Variants in THSD4 observed in about 807,000 individuals in gnomAD.
THSD4 encodes the protein thrombospondin type 1 domain containing 4.
THSD4 carries 69 observed loss-of-function variants against 119.0 expected under a neutral mutation model. The ratio of observed to expected loss-of-function variants is 0.58; its 90% CI spans 0.48 to 0.71. THSD4 has a LOEUF of 0.71. Among genes scored for constraint, THSD4 ranks in the 30% least tolerant of loss-of-function variants. The probability of loss-of-function intolerance (pLI) is 0.00; values close to 1 mark genes in which losing one functional copy is unlikely to be tolerated. For missense variants in THSD4, 1,393 were observed against 1,391.1 expected (o/e 1.00, Z -0.02); for synonymous variants, 524 against 540.4 (o/e 0.97, Z 0.42).
intron 6 of THSD4, among the ~76,000 whole-genome samples, chr15:71,371,372 A>C (rs960051309): frequency 3.3e-5 from 5 of 152,274 alleles, no homozygotes; most frequent in African/African-American, 7.2e-5. Context: ...TCTTCCTAGC[A>C]TCGATGGTCT....
chr15:71,766,734 A>G (rs1013758055), intron 16 of THSD4: 11 of 152,190 alleles, frequency 7.2e-5, no homozygotes, highest in African/African-American at 2.7e-4. Flanking sequence ...GGCCAAGTTG[A>G]AGGAGACAAA....
chr15:71,579,469 G>A (rs749511968), intron 7 of THSD4, among the ~76,000 whole-genome samples: 10 of 152,226 alleles, frequency 6.6e-5, no homozygotes, highest in South Asian at 2.1e-4. Context: ...AAGAGGGAGA[G>A]CATAGGTGTG....
At chr15:71,400,553 C>T (rs576471575) in intron 6 of THSD4, among the ~76,000 whole-genome samples, 1 of 152,278 alleles carries the variant, frequency 6.6e-6, no homozygotes, top group East Asian at 1.9e-4. Context: ...ATAATGCAGT[C>T]AGTGGAGGAA....
chr15:71,464,482 G>C (rs1368514495), intron 7 of THSD4, among the ~76,000 whole-genome samples: 1 of 152,276 alleles, frequency 6.6e-6, no homozygotes, highest in Admixed American at 6.5e-5. Flanking sequence ...TCACCATCAA[G>C]GGTCACAGTT....
chr15:71,719,620 C>CATAAA (rs1377049163), intron 8 of THSD4, among the ~76,000 whole-genome samples: 16 of 152,288 alleles, frequency 1.1e-4, no homozygotes, highest in Non-Finnish European at 1.8e-4. Flanking sequence ...GTTTTAAACT[C>CATAAA]ATAAAATAAA....
At chr15:71,298,794 G>C (rs537931727) in intron 6 of THSD4, among the ~76,000 whole-genome samples, 1 of 152,200 alleles carries the variant, frequency 6.6e-6, no homozygotes, top group Admixed American at 6.5e-5. Context: ...TTGTATTTTA[G>C]TAGAGACGGG....
intron 14 of THSD4, among the ~76,000 whole-genome samples, chr15:71,753,491 G>A (rs1332087954): frequency 6.6e-6 from 1 of 152,246 alleles, no homozygotes; most frequent in African/African-American, 2.4e-5. Flanking sequence ...TTAGGGGCCA[G>A]TTGGGCCAAG....
intron 7 of THSD4, among the ~76,000 whole-genome samples, chr15:71,516,374 A>G (rs1259609664): frequency 1.3e-5 from 2 of 152,144 alleles, no homozygotes; most frequent in African/African-American, 4.8e-5. Context: ...CACCTCTGCA[A>G]CAACCTCACG....
At chr15:71,629,399 A>G (rs771664807) in intron 7 of THSD4, among the ~76,000 whole-genome samples, 8 of 152,170 alleles carry the variant, frequency 5.3e-5, no homozygotes, top group Admixed American at 4.6e-4. Flanking sequence ...GAGACCTGGC[A>G]GTGTGGACCC....
At chr15:71,657,043 A>G (rs764175222) in intron 7 of THSD4, among the ~76,000 whole-genome samples, 1 of 152,156 alleles carries the variant, frequency 6.6e-6, no homozygotes, top group Non-Finnish European at 1.5e-5. Context: ...TCCAGACTTT[A>G]TGTACCCAAT....
chr15:71,196,342 G>A (rs975160454), intron 3 of THSD4, among the ~76,000 whole-genome samples: 3 of 152,242 alleles, frequency 2.0e-5, no homozygotes, highest in South Asian at 2.1e-4. Flanking sequence ...CAGAACCAGC[G>A]TTTGAACTCA....
intron 14 of THSD4, among the ~76,000 whole-genome samples, chr15:71,752,201 G>A (rs535104494): frequency 2.0e-4 from 31 of 152,306 alleles, no homozygotes; most frequent in Admixed American, 1.7e-3. Context: ...AGCTGCAGTG[G>A]TTCATTCCTC....
In THSD4 at chr15:71,646,038, G is replaced by A. The variant is rs184826153; in HGVS notation, c.1153-14492G>A. ...TTTCAATCACTCCATTAATCTCCTT[G>A]CCTTTGTGGCTTCCACCTTAAAACT... On this transcript the variant is annotated intron_variant, in intron 7 of 17. Transcript: ENST00000261862. Among the ~76,000 whole-genome samples, 3 of 152,202 alleles carry A rather than the reference G, an allele frequency of 2.0e-5. No homozygotes were observed. In the East Asian group the frequency reaches 5.8e-4, roughly 29 times the overall value.
chr15:71,364,410 A>T (rs748587055), intron 6 of THSD4, among the ~76,000 whole-genome samples: 1 of 152,246 alleles, frequency 6.6e-6, no homozygotes, highest in Admixed American at 6.5e-5. Context: ...AATACAGATT[A>T]ATTTCCCACC....
chr15:71,506,104 G>C (rs1361216260), intron 7 of THSD4, among the ~76,000 whole-genome samples: 2 of 152,186 alleles, frequency 1.3e-5, no homozygotes, highest in African/African-American at 4.8e-5. Flanking sequence ...TCTGTGTTCA[G>C]GCATGGTGTC....
chr15:71,574,284 G>T (rs946887501), intron 7 of THSD4, among the ~76,000 whole-genome samples: 7 of 152,264 alleles, frequency 4.6e-5, no homozygotes, highest in Non-Finnish European at 7.4e-5. Flanking sequence ...ATAGGCTCAA[G>T]TTTTGAACCT....
At chr15:71,580,799 A>G (rs1009550154) in intron 7 of THSD4, among the ~76,000 whole-genome samples, 3 of 152,150 alleles carry the variant, frequency 2.0e-5, no homozygotes, top group Non-Finnish European at 2.9e-5. Context: ...AGGTTCATTC[A>G]TGTTATTGCA....
chr15:71,249,235 TATAC>T (rs2044235149), intron 5 of THSD4, among the ~76,000 whole-genome samples: 1 of 152,142 alleles, frequency 6.6e-6, no homozygotes, highest in Non-Finnish European at 1.5e-5. Context: ...TGTGCATATA[TATAC>T]ACACAAATAT....
At chr15:71,355,126 ATGT>A (rs1239616688) in intron 6 of THSD4, among the ~76,000 whole-genome samples, 2 of 152,308 alleles carry the variant, frequency 1.3e-5, no homozygotes, top group East Asian at 3.9e-4. Flanking sequence ...CGTATCCATC[ATGT>A]TGTTTGGGCT....
Sources: allele counts gnomAD v4.1 joint callset (sites outside exome capture counted in the v4.1 genomes callset), GRCh38; gene constraint gnomAD v4.1.1; transcripts MANE v1.5; gene names NCBI Gene and HGNC (gene_info 2026-07-23, HGNC 2026-07-21).